The following STX8 variants were observed in gnomAD, a reference collection of about 807,000 sequenced individuals.
STX8 encodes syntaxin-8.
In STX8, 23 loss-of-function variants were observed where a neutral mutation model predicts 37.5. The ratio of observed to expected loss-of-function variants is 0.61; its 90% CI spans 0.44 to 0.87. STX8 has a LOEUF of 0.87. Ranked by LOEUF, STX8 falls within the 40% of genes least tolerant of loss-of-function variation. The pLI is 0.00. For missense variants in STX8, 313 were observed against 284.7 expected, an observed-to-expected ratio of 1.10 and a Z score of -0.71; for synonymous variants, 115 against 99.1, an observed-to-expected ratio of 1.16 and a Z score of -0.95.
chr17:9,258,377 C>T (rs773599347), intron 7 of STX8, among the ~76,000 whole-genome samples: 5 of 152,184 alleles, frequency 3.3e-5, no homozygotes, highest in East Asian at 1.9e-4. Flanking sequence ...AGAAGGTGAG[C>T]GTATTTACAT....
intron 4 of STX8, among the ~76,000 whole-genome samples, chr17:9,519,552 T>C (rs879402627): frequency 3.3e-5 from 5 of 152,094 alleles, no homozygotes; most frequent in Admixed American, 6.5e-5. Flanking sequence ...GTTACCCTCA[T>C]TCAAATCATC....
chr17:9,338,636 A>C (rs12936269), intron 7 of STX8, among the ~76,000 whole-genome samples: 22,829 of 152,048 alleles, frequency 0.15, 1,927 homozygotes, highest in African/African-American at 0.21. Flanking sequence ...TCTTCTACTG[A>C]TACAGCATAG....
intron 7 of STX8, among the ~76,000 whole-genome samples, chr17:9,291,806 G>C (rs1597587313): frequency 6.6e-6 from 1 of 152,148 alleles, no homozygotes; most frequent in Non-Finnish European, 1.5e-5. Context: ...TTGAGGTTGG[G>C]GAAGAAACTG....
intron 6 of STX8, among the ~76,000 whole-genome samples, chr17:9,430,364 T>C (rs1002864791): frequency 3.3e-5 from 5 of 150,448 alleles, no homozygotes; most frequent in African/African-American, 1.2e-4. Flanking sequence ...CTAACCATTA[T>C]GTAATAATTC....
At chr17:9,421,696 C>T (rs927694710) in intron 6 of STX8, among the ~76,000 whole-genome samples, 6 of 152,100 alleles carry the variant, frequency 3.9e-5, no homozygotes, top group African/African-American at 1.4e-4. Flanking sequence ...TAGTTTCAAA[C>T]TCTTCTTTCC....
intron 5 of STX8, 145 bp from the exon 6 acceptor site, chr17:9,492,066 T>TGG: frequency 5.5e-6 from 3 of 545,496 alleles, no homozygotes. Context: ...TGGAACAAAA[T>TGG]TTAAAAACTA....
chr17:9,259,166 T>C (rs1906915613), intron 7 of STX8, among the ~76,000 whole-genome samples: 3 of 152,228 alleles, frequency 2.0e-5, no homozygotes, highest in African/African-American at 7.2e-5. Context: ...AGTTTAACTC[T>C]GGAGCTCAGT....
At chr17:9,572,825 G>C (rs1370984095) in intron 1 of STX8, among the ~76,000 whole-genome samples, 2 of 152,144 alleles carry the variant, frequency 1.3e-5, no homozygotes, top group African/African-American at 4.8e-5. Flanking sequence ...ATAGTCCAAT[G>C]AGAAAGCCAC....
intron 6 of STX8, among the ~76,000 whole-genome samples, chr17:9,480,173 G>A (rs1300824014): frequency 2.6e-5 from 4 of 152,124 alleles, no homozygotes; most frequent in African/African-American, 9.7e-5. Flanking sequence ...CCTCCCTGAT[G>A]AGAACAAATA....
intron 7 of STX8, among the ~76,000 whole-genome samples, chr17:9,292,969 C>A (rs77728971): frequency 1.3e-5 from 2 of 152,100 alleles, no homozygotes; most frequent in East Asian, 3.9e-4. Flanking sequence ...ATTAAAGTAA[C>A]CTGACAGAAA....
At chr17:9,524,269 A>G (rs1478685683) in intron 4 of STX8, among the ~76,000 whole-genome samples, 3 of 152,350 alleles carry the variant, frequency 2.0e-5, no homozygotes, top group East Asian at 3.9e-4. Context: ...CTATAACCAA[A>G]TACCTCAGAC....
intron 4 of STX8, among the ~76,000 whole-genome samples, chr17:9,519,437 T>A (rs1905261510): frequency 6.6e-6 from 1 of 152,052 alleles, no homozygotes; most frequent in Non-Finnish European, 1.5e-5. Flanking sequence ...GGTTCTCACA[T>A]CCAAGCCCTG....
chr17:9,551,242 A>G (rs1906748778), intron 3 of STX8, among the ~76,000 whole-genome samples: 1 of 152,186 alleles, frequency 6.6e-6, no homozygotes, highest in African/African-American at 2.4e-5. Flanking sequence ...TTTTAAGTCA[A>G]CAAACTCTAA....
At chr17:9,516,188 G>C (rs980658641) in intron 4 of STX8, among the ~76,000 whole-genome samples, 2 of 151,136 alleles carry the variant, frequency 1.3e-5, no homozygotes, top group African/African-American at 4.9e-5. Context: ...ACCAGTCACT[G>C]GTAGCTCCTG....
chr17:9,559,758 A>ATTTTTTTTTT (rs1159388418), intron 2 of STX8, among the ~76,000 whole-genome samples: 7 of 28,364 alleles, frequency 2.5e-4, no homozygotes, highest in African/African-American at 9.5e-4. Flanking sequence ...ATATATATAT[A>ATTTTTTTTTT]TATTTTTTTT....
intron 6 of STX8, among the ~76,000 whole-genome samples, chr17:9,490,227 T>C (rs1343952550): frequency 6.6e-6 from 1 of 152,190 alleles, no homozygotes; most frequent in Non-Finnish European, 1.5e-5. Flanking sequence ...GACAGATAAA[T>C]GGAACAGCAC....
intron 7 of STX8, among the ~76,000 whole-genome samples, chr17:9,252,376 G>A (rs916534017): frequency 2.6e-5 from 4 of 151,900 alleles, no homozygotes; most frequent in South Asian, 4.2e-4. Context: ...CCCGGGAGGC[G>A]GAGCTTGCAG....
intron 6 of STX8, among the ~76,000 whole-genome samples, chr17:9,412,284 T>G (rs1004797585): frequency 1.3e-5 from 2 of 151,758 alleles, no homozygotes; most frequent in Non-Finnish European, 2.9e-5. Context: ...AGCAGCAATT[T>G]TTTTTTTTTT....
At chr17:9,528,737 AC>A (rs567535833) in intron 4 of STX8, among the ~76,000 whole-genome samples, 54 of 152,240 alleles carry the variant, frequency 3.5e-4, no homozygotes, top group Admixed American at 1.1e-3. Flanking sequence ...ACAAAGATCT[AC>A]AAAATAAATG....
Sources: gnomAD v4.1 joint callset for allele counts (sites outside exome capture counted in the v4.1 genomes callset) on GRCh38, gnomAD v4.1.1 for gene constraint, MANE v1.5 for transcripts, NCBI Gene and HGNC (gene_info 2026-07-23, HGNC 2026-07-21) for gene names.